CADPS2: variants seen among roughly 807,000 people sequenced by gnomAD.
CADPS2 encodes calcium dependent secretion activator 2.
A neutral mutation model predicts 172.5 loss-of-function variants in CADPS2; 93 were observed. That is an observed-to-expected ratio of 0.54 (90% CI 0.46 to 0.64). The LOEUF (loss-of-function observed/expected upper bound fraction) is 0.64, where lower values mean the gene tolerates loss of function less well. Ranked by LOEUF, CADPS2 falls within the 30% of genes least tolerant of loss-of-function variation. The pLI, the probability that CADPS2 is intolerant of heterozygous loss-of-function variation, is 0.00. For synonymous variants in CADPS2, 546 were observed against 555.2 expected (o/e 0.98, Z 0.23); for missense variants, 1,420 against 1,565.9 (o/e 0.91, Z 1.57).
chr7:122,607,458 C>T (rs999352241), intron 6 of CADPS2, among the ~76,000 whole-genome samples: 1 of 152,160 alleles, frequency 6.6e-6, no homozygotes, highest in African/African-American at 2.4e-5. Flanking sequence ...CAAGTAATAA[C>T]GAAAACTATA....
intron 2 of CADPS2, among the ~76,000 whole-genome samples, chr7:122,686,720 A>G (rs1031892122): frequency 2.0e-5 from 3 of 152,184 alleles, no homozygotes; most frequent in East Asian, 3.9e-4. Context: ...ACAGAGTCTC[A>G]TTCTGCCAGG....
chr7:122,572,014 T>A (rs966214477), intron 7 of CADPS2, among the ~76,000 whole-genome samples: 4 of 152,176 alleles, frequency 2.6e-5, no homozygotes, highest in African/African-American at 9.7e-5. Flanking sequence ...TATTGGGGAT[T>A]TAAGAATGCC....
chr7:122,771,072 G>A (rs1336656813), intron 1 of CADPS2, among the ~76,000 whole-genome samples: 2 of 152,134 alleles, frequency 1.3e-5, no homozygotes, highest in East Asian at 3.9e-4. Flanking sequence ...CCCATACTGA[G>A]GCTGAACCTC....
At chr7:122,750,608 G>A (rs1044182848) in intron 1 of CADPS2, among the ~76,000 whole-genome samples, 2 of 152,074 alleles carry the variant, frequency 1.3e-5, no homozygotes, top group African/African-American at 4.8e-5. Context: ...AATTTCCACA[G>A]CAGAACTTGA....
At chr7:122,694,759 T>TA (rs2084853566) in intron 2 of CADPS2, among the ~76,000 whole-genome samples, 2 of 152,112 alleles carry the variant, frequency 1.3e-5, no homozygotes, top group Admixed American at 1.3e-4. Flanking sequence ...AACTAAATAT[T>TA]AAAAAATACA....
chr7:122,504,058 T>C (rs2059426585), intron 9 of CADPS2, among the ~76,000 whole-genome samples: 1 of 152,220 alleles, frequency 6.6e-6, no homozygotes, highest in African/African-American at 2.4e-5. Flanking sequence ...ATCTGCTATG[T>C]CAAATGCAAA....
chr7:122,462,141 C>T (rs115128853), intron 14 of CADPS2, among the ~76,000 whole-genome samples: 3,424 of 151,926 alleles, frequency 0.023, 131 homozygotes, highest in African/African-American at 0.079. Context: ...ATACGAAGTA[C>T]AAAATAAGAA....
chr7:122,578,067 G>GATATATATATGTGTATATATATACAC (rs1479761755), intron 7 of CADPS2, among the ~76,000 whole-genome samples: 2 of 149,866 alleles, frequency 1.3e-5, no homozygotes, highest in Admixed American at 6.7e-5. Context: ...TAGAAAAGTA[G>GATATATATATGTGTATATATATACAC]ATATATATAT....
intron 11 of CADPS2, among the ~76,000 whole-genome samples, chr7:122,486,814 C>T (rs2057858203): frequency 1.3e-5 from 2 of 152,110 alleles, no homozygotes; most frequent in Non-Finnish European, 2.9e-5. Flanking sequence ...GAAATTGCCA[C>T]ATCCACACCA....
intron 1 of CADPS2, among the ~76,000 whole-genome samples, chr7:122,828,827 T>C (rs980833679): frequency 6.6e-6 from 1 of 152,208 alleles, no homozygotes; most frequent in Non-Finnish European, 1.5e-5. Context: ...AGCTCTGTTC[T>C]AGCACTTGAT....
At chr7:122,554,134 G>A (rs183944876) in intron 8 of CADPS2, among the ~76,000 whole-genome samples, 5 of 152,152 alleles carry the variant, frequency 3.3e-5, no homozygotes, top group Non-Finnish European at 7.4e-5. Flanking sequence ...ATATAGCCTC[G>A]TTGGGTTACA....
intron 18 of CADPS2, among the ~76,000 whole-genome samples, chr7:122,414,313 T>C (rs1007175584): frequency 1.3e-5 from 2 of 152,178 alleles, no homozygotes; most frequent in East Asian, 1.9e-4. Context: ...ATTTTAGTGA[T>C]TGCAAGAAGT....
At position 122,500,743 on chromosome 7, in the gene CADPS2, C is replaced by T. The variant is rs527595060; in HGVS notation, c.1543-9323G>A. ...GAATCAAAAACAATAACTTAGGAAA[C>T]AACTAATTAGGGAGTTATTATTCCC... On this transcript the variant is annotated intron_variant, in intron 9 of 29. Transcript: ENST00000449022. Among the ~76,000 whole-genome samples the T allele has an allele frequency of 1.4e-3, 211 of 152,222 alleles. 6 individuals are homozygous for T. The South Asian group carries it at 0.043, about 31-fold the overall frequency.
intron 2 of CADPS2, among the ~76,000 whole-genome samples, chr7:122,715,663 T>A (rs1029833007): frequency 6.6e-6 from 1 of 151,412 alleles, no homozygotes; most frequent in African/African-American, 2.4e-5. Flanking sequence ...TGGTCAAAAT[T>A]CTCACAGACA....
At chr7:122,786,167 C>T (rs956839518) in intron 1 of CADPS2, among the ~76,000 whole-genome samples, 2 of 152,072 alleles carry the variant, frequency 1.3e-5, no homozygotes, top group South Asian at 4.1e-4. Flanking sequence ...TTTCTTATTT[C>T]TGGTCTTTAT....
chr7:122,652,644 A>T (rs1370692755), intron 3 of CADPS2, among the ~76,000 whole-genome samples: 1 of 152,166 alleles, frequency 6.6e-6, no homozygotes, highest in Admixed American at 6.6e-5. Context: ...TTGTACTGTT[A>T]TGCCACTCAT....
chr7:122,568,546 A>T (rs2066771303), intron 7 of CADPS2, among the ~76,000 whole-genome samples: 1 of 152,188 alleles, frequency 6.6e-6, no homozygotes, highest in Non-Finnish European at 1.5e-5. Context: ...GTCCAGGAAT[A>T]GGCTTACAGA....
chr7:122,355,260 G>A (rs576143680), intron 27 of CADPS2, among the ~76,000 whole-genome samples: 8 of 151,988 alleles, frequency 5.3e-5, no homozygotes, highest in South Asian at 2.1e-4. Context: ...TAATTTTCAC[G>A]TTATAGAATC....
chr7:122,793,750 T>C (rs1387111724), intron 1 of CADPS2, among the ~76,000 whole-genome samples: 1 of 152,168 alleles, frequency 6.6e-6, no homozygotes, highest in Non-Finnish European at 1.5e-5. Context: ...CAGTGTGTTT[T>C]TGTAGTGGCT....
Sources: gnomAD v4.1 joint callset for allele counts (sites outside exome capture counted in the v4.1 genomes callset) on GRCh38, gnomAD v4.1.1 for gene constraint, MANE v1.5 for transcripts, NCBI Gene and HGNC (gene_info 2026-07-23, HGNC 2026-07-21) for gene names.